CTTN: variants seen among roughly 807,000 people sequenced by gnomAD.
CTTN encodes the protein cortactin.
Under a neutral mutation model 84.0 loss-of-function variants are expected in CTTN, and 28 were observed. The ratio of observed to expected loss-of-function variants is 0.33; its 90% CI spans 0.25 to 0.46. The LOEUF is 0.46. Among genes scored for constraint, CTTN ranks in the 20% least tolerant of loss-of-function variants. The pLI is 1.00. For synonymous variants in CTTN, 301 were observed against 288.8 expected (o/e 1.04, Z -0.43); for missense variants, 641 against 723.8 (o/e 0.89, Z 1.31).
chr11:70,406,103 C>A (rs575888167), intron 2 of CTTN, among the ~76,000 whole-genome samples: 6 of 152,372 alleles, frequency 3.9e-5, no homozygotes, highest in African/African-American at 1.4e-4. Context: ...TCTGGAAATT[C>A]TTGCCATGCT....
In CTTN at chr11:70,435,934, A is replaced by G; in HGVS notation, c.*772A>G. On this transcript the variant is annotated 3_prime_UTR_variant, in exon 18 of 18. Transcript: ENST00000301843. ...GTCTCTGGATTGGGACGCACAGTGC[A>G]GTTGAGGTCTGCGTCGGGCTTGGCT... 6.9e-7 allele frequency: 1 copy of G among 1,447,934 alleles called. No homozygotes were observed. Among genetic ancestry groups the G allele is most frequent in the South Asian group, 1.5e-5 (1 of 67,940 alleles). 89.7% of individuals were successfully genotyped at this position (1,447,934 alleles called of 1,614,324 possible). A position where few individuals can be genotyped will look rare whatever the true frequency, so the allele number is the denominator to read the frequency against.
At chr11:70,409,243 A>C (rs1234321989) in intron 4 of CTTN, among the ~76,000 whole-genome samples, 1 of 152,116 alleles carries the variant, frequency 6.6e-6, no homozygotes, top group East Asian at 1.9e-4. Flanking sequence ...GGGGTCTCTC[A>C]ATGACAGCTG....
intron 17 of CTTN, among the ~76,000 whole-genome samples, chr11:70,434,435 T>TC (rs2058392132): frequency 6.6e-6 from 1 of 152,266 alleles, no homozygotes; most frequent in Admixed American, 6.5e-5. Context: ...CTTGAGTGCT[T>TC]CCCGTTTGCA....
chr11:70,415,917 A>C, intron 7 of CTTN, 200 bp downstream of exon 7: 1 of 592,956 alleles, frequency 1.7e-6, no homozygotes, highest in Non-Finnish European at 3.1e-6. Flanking sequence ...TCTGGATACC[A>C]CATGATGGAT....
chr11:70,416,077 T>A (rs147732188), intron 7 of CTTN: 1 of 252,032 alleles, frequency 4.0e-6, no homozygotes, highest in South Asian at 7.7e-5. Flanking sequence ...GAAAGCTAAC[T>A]TCCCCCCAAG....
intron 1 of CTTN, among the ~76,000 whole-genome samples, chr11:70,402,322 C>T (rs953028421): frequency 3.3e-5 from 5 of 152,284 alleles, no homozygotes; most frequent in African/African-American, 7.2e-5. Context: ...ACAGCTTTAT[C>T]GAGATATAAT....
At chr11:70,424,232 G>A (rs2058275887) in intron 12 of CTTN, among the ~76,000 whole-genome samples, 1 of 152,162 alleles carries the variant, frequency 6.6e-6, no homozygotes, top group Non-Finnish European at 1.5e-5. Context: ...CAGACGGAGG[G>A]AAGGAGCTCC....
chr11:70,425,310 C>G, intron 12 of CTTN, 22 bp from the exon 13 acceptor site: 1 of 1,601,112 alleles, frequency 6.2e-7, no homozygotes, highest in Non-Finnish European at 8.5e-7. Flanking sequence ...GCTCTCCTGA[C>G]GCCCATGTCC....
intron 13 of CTTN, among the ~76,000 whole-genome samples, chr11:70,428,429 G>T (rs1272861321): frequency 2.0e-5 from 3 of 152,050 alleles, no homozygotes; most frequent in African/African-American, 2.4e-5. Flanking sequence ...CTCCCAAAGT[G>T]CTGGAATTAC....
chr11:70,414,478 G>A (rs894736931), intron 5 of CTTN, 64 bp from the exon 6 acceptor site: 3 of 1,222,774 alleles, frequency 2.5e-6, no homozygotes, highest in Non-Finnish European at 2.4e-6. Context: ...GCCCTGCTCT[G>A]GGAGGAAGTG....
At chr11:70,414,493 G>C (rs773143619) in intron 5 of CTTN, 49 bp from the exon 6 acceptor site, 106 of 1,365,840 alleles carry the variant, frequency 7.8e-5, no homozygotes, top group Non-Finnish European at 1.1e-4. Context: ...GAAGTGAAGC[G>C]CCGCAGTGTT....
At chr11:70,403,379 G>A (rs1356807947) in intron 1 of CTTN, among the ~76,000 whole-genome samples, 1 of 151,888 alleles carries the variant, frequency 6.6e-6, no homozygotes, top group African/African-American at 2.4e-5. Context: ...CGTAGAGACG[G>A]GGTTTCACCA....
At chr11:70,419,724 G>C (rs769670687) in intron 8 of CTTN, 22 bp from the exon 9 acceptor site, 3 of 1,584,258 alleles carry the variant, frequency 1.9e-6, no homozygotes, top group South Asian at 1.1e-5. Flanking sequence ...TTTTAAAGTA[G>C]TCCTTTTTTG....
At chr11:70,403,363 A>G (rs2058009051) in intron 1 of CTTN, among the ~76,000 whole-genome samples, 1 of 150,614 alleles carries the variant, frequency 6.6e-6, no homozygotes. Context: ...TAATTTTTGT[A>G]TTTTTCGTAG....
intron 4 of CTTN, 82 bp from the exon 5 acceptor site, chr11:70,409,749 C>T: frequency 2.8e-6 from 4 of 1,424,986 alleles, no homozygotes; most frequent in African/African-American, 1.4e-5. Flanking sequence ...GATAATGTCA[C>T]CTGTTCTTAT....
In CTTN at chr11:70,422,946, C is replaced by G. The variant is rs147676442; in HGVS notation, c.908C>G (p.Ser303Cys). ...GTGTTTTGCCACGTTTCAGACTACT[C>G]CAAAGGATTCGGCGGGAAGTATGGG... ...LAKHESQQDY[S>C]KGFGGKYGVQ... The change falls in exon 12 of 18, where the codon TCC (serine) becomes TGC (cysteine). Residue 303 changes from serine (S) to cysteine (C), a missense_variant. Around this residue, in one of 3 missense-constraint regions of CTTN, gnomAD observed 289 missense variants for 273.1 expected, o/e 1.06. Coordinates refer to ENST00000301843, the MANE Select transcript of CTTN (RefSeq NM_005231.4). The G allele has an allele frequency of 9.3e-6, 15 of 1,613,986 alleles. No homozygotes were observed. Among genetic ancestry groups the G allele is most frequent in the Non-Finnish European group, 1.2e-5 (14 of 1,180,032 alleles).
At chr11:70,433,425 G>A in intron 16 of CTTN, 147 bp downstream of exon 16, 1 of 915,882 alleles carries the variant, frequency 1.1e-6, no homozygotes, top group Non-Finnish European at 1.6e-6. Flanking sequence ...GTCCCTGGAG[G>A]GAAGTGCTCT....
At chr11:70,422,253 G>A (rs2058245534) in intron 11 of CTTN, 4 of 347,516 alleles carry the variant, frequency 1.2e-5, no homozygotes. Flanking sequence ...ACACATAATT[G>A]GAAAAACAGT....
At chr11:70,401,311 A>AT (rs2135544611) in intron 1 of CTTN, among the ~76,000 whole-genome samples, 1 of 151,878 alleles carries the variant, frequency 6.6e-6, no homozygotes, top group South Asian at 2.1e-4. Flanking sequence ...TCTACTAAAA[A>AT]AAAAAATACA....
Sources: gnomAD v4.1 joint callset for allele counts (sites outside exome capture counted in the v4.1 genomes callset) on GRCh38, gnomAD v4.1.1 for gene constraint, gnomAD v4.1.1 regional missense constraint, MANE v1.5 for transcripts, NCBI Gene and HGNC (gene_info 2026-07-23, HGNC 2026-07-21) for gene names.